The following TEC variants were observed in gnomAD, a reference collection of about 807,000 sequenced individuals.
TEC encodes tec protein tyrosine kinase, also known as tyrosine-protein kinase Tec.
TEC carries 72 observed loss-of-function variants against 93.0 expected under a neutral mutation model. That is an observed-to-expected ratio of 0.77 (90% confidence interval 0.64 to 0.94). The LOEUF (loss-of-function observed/expected upper bound fraction) is 0.94, where lower values mean the gene tolerates loss of function less well. Ranked by LOEUF, TEC falls within the 40% of genes least tolerant of loss-of-function variation. The pLI is 0.00. For synonymous variants in TEC, 249 were observed against 247.7 expected, an observed-to-expected ratio of 1.01 and a Z score of -0.05; for missense variants, 630 against 757.9, an observed-to-expected ratio of 0.83 and a Z score of 1.98.
At position 48,244,625 on chromosome 4, in the gene TEC, T is replaced by C. The variant is rs953779505; in HGVS notation, c.-45-15966A>G. On this transcript the variant is annotated intron_variant, in intron 1 of 17. Coordinates refer to ENST00000381501, the MANE Select transcript of TEC (RefSeq NM_003215.3). Reference sequence around the variant, plus strand: ...GACTTCTTTCCAGTCTTATGTTTATTTCTTCACTCATTTTTCAACAAAACA... The same window carrying C: ...GACTTCTTTCCAGTCTTATGTTTATCTCTTCACTCATTTTTCAACAAAACA... 3.4e-4 allele frequency among the ~76,000 whole-genome samples: 52 copies of C among 152,190 alleles called. 1 individual carries two copies. The highest frequency in any genetic ancestry group is 1.1e-3 in the African/African-American group (45 of 41,440).
chr4:48,258,655 C>G (rs1010555295), intron 1 of TEC, among the ~76,000 whole-genome samples: 1 of 152,166 alleles, frequency 6.6e-6, no homozygotes, highest in African/African-American at 2.4e-5. Context: ...TCGTGTAGCC[C>G]TCTCCTGAGT....
Position 48,187,830 on chromosome 4 carries a change from T to C in TEC, c.139-11644A>G, listed in dbSNP as rs551750942. 2.0e-5 allele frequency among the ~76,000 whole-genome samples: 3 copies of C among 152,346 alleles called. No individual in the cohort carries two copies. The South Asian group carries it at 6.2e-4, about 32-fold the overall frequency. On this transcript the variant is annotated intron_variant, in intron 2 of 17. Transcript: ENST00000381501. Reference sequence around the variant, plus strand: ...GTATACAGATCTCTTACTGCCTAAGTTTCATGTAATAGACTTCTGAATTCA... The same window carrying C: ...GTATACAGATCTCTTACTGCCTAAGCTTCATGTAATAGACTTCTGAATTCA...
chr4:48,240,302 T>C (rs1212794992), intron 1 of TEC, among the ~76,000 whole-genome samples: 3 of 151,486 alleles, frequency 2.0e-5, no homozygotes, highest in Non-Finnish European at 4.4e-5. Flanking sequence ...CACTTCAGAG[T>C]TGATAAGAAA....
At chr4:48,138,315 C>G (rs1300159425) in intron 17 of TEC, among the ~76,000 whole-genome samples, 1 of 152,058 alleles carries the variant, frequency 6.6e-6, no homozygotes, top group African/African-American at 2.4e-5. Context: ...GAGAAAGAAA[C>G]CAACTCTGGT....
intron 2 of TEC, among the ~76,000 whole-genome samples, chr4:48,201,627 G>GGA (rs2109597057): frequency 6.6e-6 from 1 of 152,308 alleles, no homozygotes; most frequent in Non-Finnish European, 1.5e-5. Context: ...GAAGCAGTAG[G>GGA]GAGAGAGAGC....
At chr4:48,173,925 T>C (rs1301066333) in intron 3 of TEC, among the ~76,000 whole-genome samples, 1 of 152,166 alleles carries the variant, frequency 6.6e-6, no homozygotes, top group Non-Finnish European at 1.5e-5. Flanking sequence ...TACTTTCTTC[T>C]CCCAGTGTCT....
chr4:48,154,471 G>T (rs1720314409), intron 9 of TEC, among the ~76,000 whole-genome samples: 1 of 152,138 alleles, frequency 6.6e-6, no homozygotes, highest in Non-Finnish European at 1.5e-5. Context: ...GTTAGTGTAT[G>T]TAATTAAAAC....
intron 2 of TEC, among the ~76,000 whole-genome samples, chr4:48,177,083 A>G (rs1721363854): frequency 6.6e-6 from 1 of 152,160 alleles, no homozygotes; most frequent in Admixed American, 6.5e-5. Flanking sequence ...TGCAGCAATT[A>G]ACTAACAGCC....
chr4:48,183,457 A>C (rs908561819), intron 2 of TEC, among the ~76,000 whole-genome samples: 26 of 152,316 alleles, frequency 1.7e-4, no homozygotes, highest in African/African-American at 2.9e-4. Flanking sequence ...AGTAAAGAAG[A>C]TCCACCTCTG....
chr4:48,162,499 A>G (rs1246817259), intron 8 of TEC, among the ~76,000 whole-genome samples: 1 of 152,224 alleles, frequency 6.6e-6, no homozygotes, highest in Non-Finnish European at 1.5e-5. Flanking sequence ...TCTCCACGCT[A>G]TCGCTTTAAA....
intron 1 of TEC, among the ~76,000 whole-genome samples, chr4:48,243,000 G>A (rs747119174): frequency 5.2e-4 from 79 of 152,080 alleles, no homozygotes; most frequent in Non-Finnish European, 5.0e-4. Flanking sequence ...ATTATTCTAT[G>A]TAGCTTGATC....
At chr4:48,140,557 G>A (rs187458860) in intron 15 of TEC, among the ~76,000 whole-genome samples, 1 of 152,224 alleles carries the variant, frequency 6.6e-6, no homozygotes, top group East Asian at 1.9e-4. Flanking sequence ...TTTCAGATCT[G>A]GCAGGCCATA....
At chr4:48,265,288 G>C (rs1724603319) in intron 1 of TEC, among the ~76,000 whole-genome samples, 3 of 150,594 alleles carry the variant, frequency 2.0e-5, no homozygotes. Flanking sequence ...ACTTATTTTT[G>C]GCCCAGTCAA....
At chr4:48,204,150 G>T (rs756370094) in intron 2 of TEC, among the ~76,000 whole-genome samples, 15 of 152,330 alleles carry the variant, frequency 9.8e-5, no homozygotes, top group Non-Finnish European at 2.1e-4. Context: ...CTGGAAACTT[G>T]AATCTGGGGA....
At chr4:48,259,458 G>C (rs1724435659) in intron 1 of TEC, among the ~76,000 whole-genome samples, 3 of 152,182 alleles carry the variant, frequency 2.0e-5, no homozygotes. Flanking sequence ...GCTCATGCCT[G>C]TAATCCCAGC....
At chr4:48,193,689 T>A (rs1722175808) in intron 2 of TEC, among the ~76,000 whole-genome samples, 1 of 152,080 alleles carries the variant, frequency 6.6e-6, no homozygotes. Flanking sequence ...TAGGTTTCTA[T>A]GGTTAATACT....
intron 9 of TEC, among the ~76,000 whole-genome samples, chr4:48,151,738 T>C (rs954022715): frequency 6.6e-5 from 10 of 152,226 alleles, no homozygotes; most frequent in Admixed American, 5.9e-4. Context: ...CCACCCGCCT[T>C]GATCTCCCAA....
intron 9 of TEC, 86 bp downstream of exon 9, chr4:48,156,594 A>G (rs1453078475): frequency 8.1e-7 from 1 of 1,232,254 alleles, no homozygotes; most frequent in Non-Finnish European, 1.1e-6. Context: ...GAACACATTT[A>G]GAAAGAGAGA....
intron 2 of TEC, among the ~76,000 whole-genome samples, chr4:48,206,578 A>T (rs1722722438): frequency 6.6e-6 from 1 of 152,142 alleles, no homozygotes; most frequent in Non-Finnish European, 1.5e-5. Flanking sequence ...TGATAAGAGA[A>T]ATGCAAGTTA....
Sources: gnomAD v4.1 joint callset for allele counts (sites outside exome capture counted in the v4.1 genomes callset) on GRCh38, gnomAD v4.1.1 for gene constraint, MANE v1.5 for transcripts, NCBI Gene and HGNC (gene_info 2026-07-23, HGNC 2026-07-21) for gene names.